The following STPG2 variants were observed in gnomAD, a reference collection of about 807,000 sequenced individuals.
STPG2 encodes sperm tail PG-rich repeat containing 2, also known as sperm-tail PG-rich repeat-containing protein 2.
In STPG2, 56 loss-of-function variants were observed where a neutral mutation model predicts 54.2. That is an observed-to-expected ratio of 1.03 (90% confidence interval 0.83 to 1.29). STPG2 has a LOEUF of 1.29. Among genes scored for constraint, STPG2 ranks in the 50% most tolerant of loss-of-function variants. The pLI is 0.00. For missense variants in STPG2, 596 were observed against 544.9 expected (o/e 1.09, Z -0.93); for synonymous variants, 200 against 181.8 (o/e 1.10, Z -0.81).
chr4:97,912,237 A>G (rs1731708865), intron 8 of STPG2, among the ~76,000 whole-genome samples: 1 of 152,212 alleles, frequency 6.6e-6, no homozygotes, highest in Admixed American at 6.5e-5. Context: ...AAAACACTGA[A>G]AAGTCAAAAA....
At chr4:98,129,987 A>G (rs912353802) in intron 2 of STPG2, among the ~76,000 whole-genome samples, 3 of 151,268 alleles carry the variant, frequency 2.0e-5, no homozygotes, top group Non-Finnish European at 4.4e-5. Flanking sequence ...TCTCCCAAGT[A>G]GCTGGGATTA....
chr4:97,636,616 G>A (rs1721543639), intron 10 of STPG2, among the ~76,000 whole-genome samples: 3 of 151,010 alleles, frequency 2.0e-5, no homozygotes, highest in African/African-American at 4.9e-5. Flanking sequence ...AAGAAAAAAA[G>A]AGAGAAGAAT....
chr4:97,851,168 G>T (rs1353030050), intron 8 of STPG2, among the ~76,000 whole-genome samples: 1 of 152,160 alleles, frequency 6.6e-6, no homozygotes, highest in Non-Finnish European at 1.5e-5. Context: ...CTAATGACGT[G>T]TTTAATATCA....
chr4:98,038,721 C>A (rs1672942690), intron 5 of STPG2, among the ~76,000 whole-genome samples: 1 of 151,756 alleles, frequency 6.6e-6, no homozygotes, highest in Non-Finnish European at 1.5e-5. Context: ...TGAAAAAAAT[C>A]TGTAGAGAAA....
chr4:97,777,725 T>G (rs1327230159), intron 9 of STPG2, among the ~76,000 whole-genome samples: 1 of 152,208 alleles, frequency 6.6e-6, no homozygotes, highest in Admixed American at 6.5e-5. Flanking sequence ...ACTTCTCTAT[T>G]CTAGATTTCA....
At chr4:98,124,220 T>C (rs1214433720) in intron 3 of STPG2, among the ~76,000 whole-genome samples, 1 of 152,182 alleles carries the variant, frequency 6.6e-6, no homozygotes, top group Non-Finnish European at 1.5e-5. Flanking sequence ...CCTGTCATCA[T>C]GATGCTAGCC....
intron 4 of STPG2, among the ~76,000 whole-genome samples, chr4:97,458,831 C>A (rs777063561): frequency 6.6e-6 from 1 of 151,784 alleles, no homozygotes; most frequent in Non-Finnish European, 1.5e-5. Context: ...CCCTGAAAGA[C>A]AAAGAAAGAC....
chr4:97,695,535 T>C (rs1016455942), intron 10 of STPG2, among the ~76,000 whole-genome samples: 2 of 152,136 alleles, frequency 1.3e-5, no homozygotes, highest in East Asian at 1.9e-4. Flanking sequence ...TTCATCCAAA[T>C]TGGTAAAGAG....
chr4:97,892,202 T>A (rs1380898337), intron 8 of STPG2, among the ~76,000 whole-genome samples: 3 of 152,138 alleles, frequency 2.0e-5, no homozygotes, highest in Admixed American at 2.0e-4. Context: ...ATTTACTCAG[T>A]GTAAAAATGT....
chr4:97,686,399 C>A (rs1215284059), intron 10 of STPG2, among the ~76,000 whole-genome samples: 1 of 152,138 alleles, frequency 6.6e-6, no homozygotes, highest in African/African-American at 2.4e-5. Context: ...TCAGCCTAAT[C>A]TTGGATGTTG....
chr4:97,558,899 G>A lies in STPG2; in HGVS notation c.*159C>T, dbSNP rs889548060. 15 of 586,550 alleles carry A rather than the reference G, an allele frequency of 2.6e-5. No homozygotes were observed. The highest frequency in any genetic ancestry group is 7.3e-5 in the Admixed American group (2 of 27,550). The allele number at this position is 586,550 out of a possible 1,614,324, so 36.3% of individuals were successfully genotyped here. Reference sequence around the variant, plus strand: ...TTGTCTTAACAAGGTTTATTTCTCCGTGGTTGTGTCATATAGTCACTAAAG... The same window carrying A: ...TTGTCTTAACAAGGTTTATTTCTCCATGGTTGTGTCATATAGTCACTAAAG... On this transcript the variant is annotated 3_prime_UTR_variant, in exon 11 of 11. Transcript: ENST00000295268.
At chr4:97,966,771 A>G (rs1032383502) in intron 7 of STPG2, among the ~76,000 whole-genome samples, 1 of 152,320 alleles carries the variant, frequency 6.6e-6, no homozygotes, top group Non-Finnish European at 1.5e-5. Context: ...AGCCAAACTA[A>G]GCTTCATAAG....
intron 8 of STPG2, among the ~76,000 whole-genome samples, chr4:97,882,518 C>T (rs1457105632): frequency 1.3e-5 from 2 of 152,102 alleles, no homozygotes; most frequent in Non-Finnish European, 2.9e-5. Context: ...AAGATCCAGC[C>T]AGATACCCAA....
intron 10 of STPG2, among the ~76,000 whole-genome samples, chr4:97,636,255 G>A (rs1257399932): frequency 3.3e-4 from 48 of 146,408 alleles, no homozygotes; most frequent in South Asian, 7.0e-4. Context: ...GGTACATAAC[G>A]AAATGAAGGC....
In STPG2 at chr4:97,521,670, C is replaced by T. The variant is rs74763576; in HGVS notation, c.462+191029G>A. On this transcript the variant is annotated intron_variant, in intron 4 of 4. Transcript: ENST00000522676. ...AAGAATCTCATCTTCAACAGAAATA[C>T]ACCTATGAAGTAATTTGTTCATATA... 6.5e-3 allele frequency among the ~76,000 whole-genome samples: 989 copies of T among 152,114 alleles called. 5 individuals are homozygous for T. Among genetic ancestry groups the T allele is most frequent in the African/African-American group, 0.022 (924 of 41,526 alleles).
intron 10 of STPG2, among the ~76,000 whole-genome samples, chr4:97,709,868 G>C (rs907333150): frequency 5.3e-5 from 8 of 151,760 alleles, no homozygotes; most frequent in Admixed American, 5.3e-4. Flanking sequence ...CTAAGTCAAT[G>C]AGGAAAAATT....
chr4:97,752,821 T>C (rs752407513), intron 9 of STPG2, among the ~76,000 whole-genome samples: 4 of 151,868 alleles, frequency 2.6e-5, no homozygotes, highest in Non-Finnish European at 5.9e-5. Context: ...ATTCAGATTC[T>C]ACATCCTTCA....
chr4:97,623,893 G>A (rs995476668), intron 10 of STPG2, among the ~76,000 whole-genome samples: 1 of 152,048 alleles, frequency 6.6e-6, no homozygotes, highest in Non-Finnish European at 1.5e-5. Flanking sequence ...GAAGTGTTTG[G>A]TTTTCTGTTT....
intron 10 of STPG2, among the ~76,000 whole-genome samples, chr4:97,641,236 A>G (rs1721756455): frequency 6.6e-6 from 1 of 151,694 alleles, no homozygotes; most frequent in African/African-American, 2.4e-5. Flanking sequence ...TAAGGAATAT[A>G]CAATGTAACT....
Sources: gnomAD v4.1 joint callset for allele counts (sites outside exome capture counted in the v4.1 genomes callset) on GRCh38, gnomAD v4.1.1 for gene constraint, MANE v1.5 for transcripts, NCBI Gene and HGNC (gene_info 2026-07-23, HGNC 2026-07-21) for gene names.